UBASH3A: variants seen among roughly 807,000 people sequenced by gnomAD.
The protein encoded by UBASH3A is ubiquitin-associated and SH3 domain-containing protein A.
Under a neutral mutation model 73.5 loss-of-function variants are expected in UBASH3A, and 63 were observed. That is an observed-to-expected ratio of 0.86 (90% CI 0.70 to 1.06). The LOEUF (loss-of-function observed/expected upper bound fraction) is 1.06. Ranked by LOEUF, UBASH3A falls within the 50% of genes least tolerant of loss-of-function variation. The pLI is 0.00. For missense variants in UBASH3A, 860 were observed against 859.0 expected, an observed-to-expected ratio of 1.00 and a Z score of -0.02; for synonymous variants, 363 against 351.1, an observed-to-expected ratio of 1.03 and a Z score of -0.38.
At chr21:42,405,991 G>GC (rs1411210691) in intron 1 of UBASH3A, among the ~76,000 whole-genome samples, 10 of 148,924 alleles carry the variant, frequency 6.7e-5, no homozygotes, top group Admixed American at 4.0e-4. Flanking sequence ...AGTGGGGGGG[G>GC]GGGGGGCAGG....
chr21:42,406,208 C>A, intron 1 of UBASH3A, 100 bp from the exon 2 acceptor site: 1 of 949,194 alleles, frequency 1.1e-6, no homozygotes, highest in South Asian at 1.3e-5. Flanking sequence ...TTCAGAGCAC[C>A]CCCCAAAGAT....
At chr21:42,445,117 G>A (rs975593855) in intron 14 of UBASH3A, among the ~76,000 whole-genome samples, 1 of 152,202 alleles carries the variant, frequency 6.6e-6, no homozygotes, top group African/African-American at 2.4e-5. Context: ...TCAGGCTCTG[G>A]CAAGGGCCTT....
chr21:42,443,127 G>T (rs779117950), intron 12 of UBASH3A, 185 bp from the exon 13 acceptor site: 226 of 1,399,312 alleles, frequency 1.6e-4, no homozygotes, highest in Non-Finnish European at 2.0e-4. Flanking sequence ...AATGTGTGCT[G>T]GAGATTGACT....
At chr21:42,421,985 T>C (rs997070032) in intron 7 of UBASH3A, among the ~76,000 whole-genome samples, 1 of 152,240 alleles carries the variant, frequency 6.6e-6, no homozygotes, top group Non-Finnish European at 1.5e-5. Context: ...ATTTGGTGAC[T>C]ATGGCTGATT....
chr21:42,431,112 G>A (rs2053521173), intron 8 of UBASH3A, among the ~76,000 whole-genome samples: 1 of 152,176 alleles, frequency 6.6e-6, no homozygotes, highest in South Asian at 2.1e-4. Context: ...TCCCAGGGGG[G>A]GCATCCTCAG....
intron 10 of UBASH3A, chr21:42,435,522 A>T (rs1220641642): frequency 1.3e-5 from 2 of 152,500 alleles, no homozygotes; most frequent in African/African-American, 4.8e-5. Flanking sequence ...GTGCTCAGAA[A>T]TGTTTACCCA....
chr21:42,414,569 C>G (rs755718482), intron 5 of UBASH3A, among the ~76,000 whole-genome samples: 1 of 152,080 alleles, frequency 6.6e-6, no homozygotes, highest in Non-Finnish European at 1.5e-5. Flanking sequence ...TGTGCAGATG[C>G]GATTGGTTGG....
chr21:42,437,051 C>T (rs1327109908), intron 10 of UBASH3A, among the ~76,000 whole-genome samples: 1 of 152,240 alleles, frequency 6.6e-6, no homozygotes, highest in Non-Finnish European at 1.5e-5. Flanking sequence ...GGACTGAGGT[C>T]TGTTCCTTGC....
chr21:42,418,837 A>T (rs2146529520), intron 7 of UBASH3A, among the ~76,000 whole-genome samples: 1 of 152,364 alleles, frequency 6.6e-6, no homozygotes, highest in South Asian at 2.1e-4. Context: ...GAGTAATTTG[A>T]GATGGTAATC....
intron 2 of UBASH3A, among the ~76,000 whole-genome samples, chr21:42,407,053 T>C (rs1034224875): frequency 6.6e-6 from 1 of 151,984 alleles, no homozygotes; most frequent in African/African-American, 2.4e-5. Flanking sequence ...GTGGGTCGGG[T>C]GAGGGCTCTG....
chr21:42,440,215 T>G (rs2053716229), intron 11 of UBASH3A, among the ~76,000 whole-genome samples: 1 of 152,210 alleles, frequency 6.6e-6, no homozygotes, highest in South Asian at 2.1e-4. Flanking sequence ...CAGGAAGGCC[T>G]GAGAAACAGG....
intron 1 of UBASH3A, 124 bp downstream of exon 1, chr21:42,404,182 AG>A (rs2052921610): frequency 1.5e-5 from 7 of 456,234 alleles, no homozygotes; most frequent in Non-Finnish European, 2.6e-5. Context: ...TGCACCTTGC[AG>A]GGTAAGACAC....
chr21:42,441,891 T>C (rs1040567346), intron 11 of UBASH3A, among the ~76,000 whole-genome samples: 2 of 152,254 alleles, frequency 1.3e-5, no homozygotes, highest in Non-Finnish European at 2.9e-5. Context: ...AGAGATGGCC[T>C]TACTTTATGG....
intron 8 of UBASH3A, among the ~76,000 whole-genome samples, chr21:42,427,877 C>T (rs143355648): frequency 1.3e-5 from 2 of 152,338 alleles, no homozygotes; most frequent in East Asian, 3.9e-4. Context: ...GGTCAACGCT[C>T]ACCCTCTGTT....
chr21:42,413,549 C>A lies in UBASH3A; in HGVS notation c.667+26C>A. ...GTAAGCCATTAGAAAGCTTCCGGACCAGCTTTGGTCTTCTCTTTAGGCGGG... is the reference window on the plus strand; with the variant it reads ...GTAAGCCATTAGAAAGCTTCCGGACAAGCTTTGGTCTTCTCTTTAGGCGGG... On this transcript the variant is annotated intron_variant, in intron 5 of 14. Coordinates refer to ENST00000319294, the MANE Select transcript of UBASH3A (RefSeq NM_018961.4). The surrounding 1 kb of genome is among the most constrained non-coding windows in gnomAD (Gnocchi z 4.5). 6.6e-7 allele frequency: 1 copy of A among 1,523,948 alleles called. No individual in the cohort carries two copies. Among genetic ancestry groups the A allele is most frequent in the Non-Finnish European group, 9.1e-7 (1 of 1,102,612 alleles). 94.4% of individuals were successfully genotyped at this position (1,523,948 alleles called of 1,614,324 possible).
At chr21:42,445,957 G>T (rs1452314454) in intron 14 of UBASH3A, among the ~76,000 whole-genome samples, 1 of 152,134 alleles carries the variant, frequency 6.6e-6, no homozygotes, top group Admixed American at 6.5e-5. Flanking sequence ...CTGCAAATGG[G>T]TCTCCCACAC....
At chr21:42,428,061 A>G (rs928149839) in intron 8 of UBASH3A, among the ~76,000 whole-genome samples, 2 of 152,124 alleles carry the variant, frequency 1.3e-5, no homozygotes, top group African/African-American at 4.8e-5. Flanking sequence ...AGAAGAGGGG[A>G]TGAGGAAACA....
intron 2 of UBASH3A, among the ~76,000 whole-genome samples, chr21:42,407,687 A>G (rs1183247692): frequency 6.6e-6 from 1 of 152,246 alleles, no homozygotes; most frequent in East Asian, 1.9e-4. Flanking sequence ...GTCACTGAGG[A>G]AGGCAGTGCT....
At chr21:42,417,721 C>G (rs1464795243) in intron 6 of UBASH3A, 2 of 151,810 alleles carry the variant, frequency 1.3e-5, no homozygotes, top group Non-Finnish European at 2.9e-5. Context: ...ATGAATCCAC[C>G]ATGTTCTGTA....
Sources: allele counts gnomAD v4.1 joint callset (sites outside exome capture counted in the v4.1 genomes callset), GRCh38; gene constraint gnomAD v4.1.1; non-coding constraint Gnocchi (gnomAD v3.1); transcripts MANE v1.5; gene names NCBI Gene and HGNC (gene_info 2026-07-23, HGNC 2026-07-21).